The following RMC1 variants were observed in gnomAD, a reference collection of about 807,000 sequenced individuals.
RMC1 encodes the protein regulator of MON1-CCZ1 complex.
RMC1 carries 44 observed loss-of-function variants against 95.5 expected under a neutral mutation model. The ratio of observed to expected loss-of-function variants is 0.46; its 90% CI spans 0.36 to 0.59. RMC1 has a LOEUF of 0.59. Ranked by LOEUF, RMC1 falls within the 20% of genes least tolerant of loss-of-function variation. RMC1 has a pLI of 0.00. For missense variants in RMC1, 705 were observed against 819.6 expected (o/e 0.86, Z 1.71); for synonymous variants, 320 against 303.6 (o/e 1.05, Z -0.56).
In RMC1 at chr18:23,525,157, G is replaced by A. The variant is rs1266290839; in HGVS notation, c.1060+675G>A. Among the ~76,000 whole-genome samples the A allele has an allele frequency of 2.0e-5, 3 of 151,480 alleles. No individual in the cohort carries two copies. In the East Asian group the frequency reaches 5.9e-4, roughly 30 times the overall value. On this transcript the variant is annotated intron_variant, in intron 12 of 19. Coordinates refer to ENST00000269221, the MANE Select transcript of RMC1 (RefSeq NM_013326.5). Reference sequence around the variant, plus strand: ...GACGAGGTTTTTCCATGTTGGTCAGGCTGGTCTCAAACTCCCAACCTCAGG... The same window carrying A: ...GACGAGGTTTTTCCATGTTGGTCAGACTGGTCTCAAACTCCCAACCTCAGG...
At chr18:23,528,901 C>A in intron 14 of RMC1, 1 of 274,844 alleles carries the variant, frequency 3.6e-6, no homozygotes. Flanking sequence ...TTTTTTGAGA[C>A]GGAGTTTTGT....
chr18:23,520,947 G>T (rs1449844073), intron 10 of RMC1, among the ~76,000 whole-genome samples: 1 of 151,836 alleles, frequency 6.6e-6, no homozygotes, highest in Non-Finnish European at 1.5e-5. Flanking sequence ...TGAACTTCTG[G>T]CCTCAAGTGA....
At chr18:23,511,158 A>G (rs2057848337) in intron 5 of RMC1, among the ~76,000 whole-genome samples, 1 of 152,252 alleles carries the variant, frequency 6.6e-6, no homozygotes, top group Non-Finnish European at 1.5e-5. Context: ...AAAAATGAAC[A>G]AGATCATGTC....
intron 1 of RMC1, 101 bp from the exon 2 acceptor site, chr18:23,504,270 C>G: frequency 2.1e-6 from 2 of 936,468 alleles, no homozygotes; most frequent in Non-Finnish European, 3.5e-6. Context: ...TTTAGTTGAA[C>G]CCAGGGTGGT....
At chr18:23,518,416 C>T (rs1305505566) in intron 7 of RMC1, among the ~76,000 whole-genome samples, 1 of 152,046 alleles carries the variant, frequency 6.6e-6, no homozygotes, top group Non-Finnish European at 1.5e-5. Flanking sequence ...ATCGCCAAAG[C>T]CTAGGAGGTG....
At chr18:23,519,296 T>C in intron 9 of RMC1, 122 bp downstream of exon 9, 1 of 798,908 alleles carries the variant, frequency 1.3e-6, no homozygotes, top group Non-Finnish European at 2.0e-6. Flanking sequence ...GGCGGACAGA[T>C]TGCTTGAGCC....
Position 23,506,870 on chromosome 18 carries a change from T to C in RMC1, c.180-100T>C, listed in dbSNP as rs183874208. 6.6e-4 allele frequency: 522 copies of C among 796,016 alleles called. 1 individual carries two copies. The highest frequency in any genetic ancestry group is 9.4e-4 in the Non-Finnish European group (455 of 482,094). 49.3% of individuals were successfully genotyped at this position (796,016 alleles called of 1,614,324 possible). A position where few individuals can be genotyped will look rare whatever the true frequency, so the allele number is the denominator to read the frequency against. ...ATAATTTTAATTTTAGACTAGAATT[T>C]GCTGCCTCCTGAATATAGATTGTGT... On this transcript the variant is annotated intron_variant, in intron 2 of 19. Coordinates refer to ENST00000269221, the MANE Select transcript of RMC1 (RefSeq NM_013326.5).
At chr18:23,530,723 T>G (rs1306088751) in intron 19 of RMC1, 111 bp downstream of exon 19, 2 of 966,352 alleles carry the variant, frequency 2.1e-6, no homozygotes, top group Non-Finnish European at 3.0e-6. Flanking sequence ...AACAACACAA[T>G]TTGATAACAG....
At chr18:23,525,582 A>G (rs1372704449) in intron 12 of RMC1, among the ~76,000 whole-genome samples, 3 of 151,688 alleles carry the variant, frequency 2.0e-5, no homozygotes, top group Non-Finnish European at 2.9e-5. Context: ...GCGCCACCAC[A>G]CCCAGCTAAT....
intron 13 of RMC1, among the ~76,000 whole-genome samples, chr18:23,527,531 C>T (rs1292573433): frequency 3.4e-5 from 5 of 149,176 alleles, no homozygotes; most frequent in South Asian, 2.2e-4. Context: ...CCTTCTGCCT[C>T]GGCCTACCCA....
chr18:23,516,830 A>C (rs1465128461), intron 7 of RMC1, among the ~76,000 whole-genome samples: 2 of 149,476 alleles, frequency 1.3e-5, no homozygotes, highest in Admixed American at 6.7e-5. Context: ...GGCTCAAACG[A>C]TTCTTCTGCT....
Position 23,530,313 on chromosome 18 carries a change from G to A in RMC1, c.1668+16G>A, listed in dbSNP as rs769804663. The stretch of plus-strand genomic sequence containing the variant: ...CATGCTGAAGGTAACTCTGATGTGT[G>A]AGGTTTTAGACTATGGAAACTAACT... On this transcript the variant is annotated intron_variant, in intron 18 of 19. Transcript: ENST00000269221. 1 of 1,614,236 alleles carries A rather than the reference G, an allele frequency of 6.2e-7. No individual in the cohort carries two copies.
At chr18:23,527,589 CTTTTTTT>C (rs71163615) in intron 13 of RMC1, among the ~76,000 whole-genome samples, 199 bp from the exon 14 acceptor site, 1 of 108,370 alleles carries the variant, frequency 9.2e-6, no homozygotes, top group African/African-American at 3.6e-5. Flanking sequence ...CCTGCTATAG[CTTTTTTT>C]TTTTTTTTTT....
At chr18:23,503,506 GGCCCAGAGCCGCA>G in exon 1 of RMC1, 10 of 592,224 alleles carry the variant, frequency 1.7e-5, no homozygotes, top group Non-Finnish European at 2.5e-5. Context: ...GTCCGCGCCG[GGCCCAGAGCCGCA>G]GCCGCAGCCG....
At chr18:23,525,571 T>C (rs552285978) in intron 12 of RMC1, among the ~76,000 whole-genome samples, 1 of 152,148 alleles carries the variant, frequency 6.6e-6, no homozygotes, top group Admixed American at 6.5e-5. Context: ...ATTACAGGCA[T>C]GCGCCACCAC....
chr18:23,519,625 G>A (rs2058094245), intron 9 of RMC1, among the ~76,000 whole-genome samples: 3 of 152,150 alleles, frequency 2.0e-5, no homozygotes, highest in Admixed American at 2.0e-4. Flanking sequence ...GTCTCAAGTA[G>A]TTTAGAAAAA....
chr18:23,524,460 C>T lies in RMC1; in HGVS notation c.1038C>T (p.Asp346=), dbSNP rs917990007. Residue 346 remains aspartate (D), a synonymous_variant, in exon 12 of 20, where the codon GAC becomes GAT. Transcript: ENST00000269221. ...CATCTTGGATTGTCTTTCAACCTGA[C>T]ATCATTATCAGCGCAAGCCAAGGTA... is the stretch of plus-strand genomic sequence containing the variant. ...YSSSWIVFQP[D]IIISASQGYL... 3 of 1,613,966 alleles carry T rather than the reference C, an allele frequency of 1.9e-6. No homozygotes were observed. The highest frequency in any genetic ancestry group is 2.5e-6 in the Non-Finnish European group (3 of 1,179,966).
intron 12 of RMC1, among the ~76,000 whole-genome samples, chr18:23,524,729 G>A (rs1385634359): frequency 6.6e-6 from 1 of 151,726 alleles, no homozygotes; most frequent in Non-Finnish European, 1.5e-5. Flanking sequence ...AGCCCATTCT[G>A]GAAAAGCCAG....
rs746379225 is a variant in RMC1, at chr18:23,530,097, C to T, written c.1564C>T (p.Leu522=). The T allele has an allele frequency of 6.2e-7, 1 of 1,614,230 alleles. No individual in the cohort carries two copies. The highest frequency in any genetic ancestry group is 8.5e-7 in the Non-Finnish European group (1 of 1,180,038). The change falls in exon 17 of 20, where the codon CTG becomes TTG. Residue 522 remains leucine, a synonymous_variant. Transcript: ENST00000269221. ...CCTCTTTTATATGCTGCATCAGTTCCTGCAGTACCACGTCCTCAGCGACTC... is the reference window on the plus strand; with the variant it reads ...CCTCTTTTATATGCTGCATCAGTTCTTGCAGTACCACGTCCTCAGCGACTC... ...HNLFYMLHQF[L]QYHVLSDSKP... is the part of the protein sequence containing the mutation.
Sources: allele counts gnomAD v4.1 joint callset (sites outside exome capture counted in the v4.1 genomes callset), GRCh38; gene constraint gnomAD v4.1.1; transcripts MANE v1.5; gene names NCBI Gene and HGNC (gene_info 2026-07-23, HGNC 2026-07-21).